Variants in RBM26 observed in about 807,000 individuals in gnomAD.
RBM26 encodes the protein RNA-binding protein 26.
A neutral mutation model predicts 123.6 loss-of-function variants in RBM26; 30 were observed. The observed-to-expected ratio is 0.24, with a 90% CI of 0.18 to 0.33. The LOEUF is 0.33. Among genes scored for constraint, RBM26 ranks in the 10% least tolerant of loss-of-function variants. The pLI is 1.00. For missense variants in RBM26, 947 were observed against 1,203.6 expected (o/e 0.79, Z 3.15); for synonymous variants, 400 against 404.4 (o/e 0.99, Z 0.13).
chr13:79,331,579 T>C (rs1594002555), intron 20 of RBM26, among the ~76,000 whole-genome samples: 2 of 150,316 alleles, frequency 1.3e-5, no homozygotes, highest in South Asian at 2.1e-4. Flanking sequence ...GAGCTTGCAG[T>C]GAGCTGAGAT....
Position 79,319,151 on chromosome 13 carries a change from G to T in RBM26, c.*1470C>A. The T allele has an allele frequency of 2.0e-6, 2 of 984,602 alleles. No homozygotes were observed. Among genetic ancestry groups the T allele is most frequent in the Non-Finnish European group, 2.4e-6 (2 of 829,390 alleles). 61.0% of individuals were successfully genotyped at this position (984,602 alleles called of 1,614,324 possible). On this transcript the variant is annotated 3_prime_UTR_variant, in exon 22 of 22. Coordinates refer to ENST00000438737, the MANE Select transcript of RBM26 (RefSeq NM_001366735.2). ...ACCCCAATTAGGGGTGTATGGGGAAGAAGAAAAAGAACAGCATCCTTAAGT... is the reference window on the plus strand; with the variant it reads ...ACCCCAATTAGGGGTGTATGGGGAATAAGAAAAAGAACAGCATCCTTAAGT...
At chr13:79,321,482 A>C (rs1208731147) in intron 21 of RBM26, among the ~76,000 whole-genome samples, 1 of 151,346 alleles carries the variant, frequency 6.6e-6, no homozygotes, top group Non-Finnish European at 1.5e-5. Context: ...ATTAACTTAA[A>C]CTTTTTCCTA....
Position 79,322,372 on chromosome 13 carries a change from C to G in RBM26, c.2911G>C (p.Glu971Gln), listed in dbSNP as rs140824394. The change falls in exon 21 of 22, where the codon GAA (glutamate) becomes CAA (glutamine). Residue 971 changes from glutamate to glutamine, a missense_variant. Physicochemically the swap from Glu to Gln is conservative, Grantham distance 29. Around this residue, in one of 5 missense-constraint regions of RBM26, gnomAD observed 164 missense variants for 215.3 expected, o/e 0.76. Transcript: ENST00000438737. ...ACTTCTTCTTCATCAGGCTCAACTT[C>G]TTCTGTTTCAACAGCTGAAATATTA... ...VTNISAVETE[E>Q]VEPDEEEFQE... is the part of the protein sequence containing the mutation. 2.0e-4 allele frequency: 308 copies of G among 1,575,142 alleles called. 1 individual carries two copies. In the African/African-American group the frequency reaches 3.9e-3, roughly 20 times the overall value.
chr13:79,370,800 G>A (rs2075804841), intron 5 of RBM26, 145 bp downstream of exon 5: 3 of 869,192 alleles, frequency 3.5e-6, no homozygotes, highest in South Asian at 1.8e-5. Context: ...ACTTTTAAAG[G>A]AATTTTTAAA....
Position 79,355,225 on chromosome 13 carries a change from G to A in RBM26, c.1849C>T (p.Pro617Ser). The A allele has an allele frequency of 6.2e-7, 1 of 1,613,486 alleles. No homozygotes were observed. Among genetic ancestry groups the A allele is most frequent in the Non-Finnish European group, 8.5e-7 (1 of 1,179,624 alleles). Reference protein sequence around the residue: ...GSTQQLQTTSPKVMQPLVQQP... With the variant: ...GSTQQLQTTSSKVMQPLVQQP... ...TACACAAATTCCTCTCTTACCTTTGGAGAAGTAGTTTGTAACTGTTGGGTG... is the reference window on the plus strand; with the variant it reads ...TACACAAATTCCTCTCTTACCTTTGAAGAAGTAGTTTGTAACTGTTGGGTG... Residue 617 changes from proline (P) to serine (S), a missense_variant, in exon 12 of 22, where the codon CCA becomes TCA. By Grantham distance (74) the Pro-to-Ser change is moderately conservative (BLOSUM62 -1). Transcript: ENST00000438737.
chr13:79,406,074 C>G lies in RBM26; in HGVS notation c.-300G>C. ...CCAGCAAATCTACCCAGACCGGAAGCGCGACACGCGCTTAGACCCGAGCCT... is the reference window on the plus strand; with the variant it reads ...CCAGCAAATCTACCCAGACCGGAAGGGCGACACGCGCTTAGACCCGAGCCT... On this transcript the variant is annotated 5_prime_UTR_variant, in exon 1 of 22. Transcript: ENST00000438737. The G allele has an allele frequency of 4.2e-6, 1 of 235,812 alleles. No homozygotes were observed. Among genetic ancestry groups the G allele is most frequent in the Non-Finnish European group, 8.2e-6 (1 of 122,246 alleles). 14.6% of individuals were successfully genotyped at this position (235,812 alleles called of 1,614,324 possible). A position where few individuals can be genotyped will look rare whatever the true frequency, so the allele number is the denominator to read the frequency against.
At chr13:79,378,975 C>A in intron 1 of RBM26, 68 bp from the exon 2 acceptor site, 1 of 955,292 alleles carries the variant, frequency 1.0e-6, no homozygotes, top group South Asian at 1.5e-5. Context: ...CAGTTACAAA[C>A]TGAATTAGTG....
chr13:79,405,252 C>A (rs569095005), intron 1 of RBM26, among the ~76,000 whole-genome samples: 1 of 152,306 alleles, frequency 6.6e-6, no homozygotes, highest in Non-Finnish European at 1.5e-5. Context: ...ATGAGCCAGA[C>A]AGCACATGGG....
intron 11 of RBM26, among the ~76,000 whole-genome samples, chr13:79,357,168 G>A (rs1239565045): frequency 6.6e-6 from 1 of 152,002 alleles, no homozygotes; most frequent in Non-Finnish European, 1.5e-5. Context: ...AGTTGAAAGG[G>A]AACCATTTCC....
At chr13:79,325,690 TAAAG>T (rs949375442) in intron 20 of RBM26, among the ~76,000 whole-genome samples, 2 of 152,132 alleles carry the variant, frequency 1.3e-5, no homozygotes, top group African/African-American at 2.4e-5. Flanking sequence ...AATTTATTAT[TAAAG>T]AAAGATAAAA....
intron 3 of RBM26, chr13:79,377,057 T>C: frequency 4.8e-6 from 1 of 206,920 alleles, no homozygotes; most frequent in South Asian, 1.1e-4. Context: ...CTAATTCCCA[T>C]GTGTTGTTAC....
chr13:79,405,734 T>C lies in RBM26; in HGVS notation c.41A>G (p.Lys14Arg), dbSNP rs1329529126. The change falls in exon 1 of 22, where the codon AAG becomes AGG. Residue 14 changes from lysine (K) to arginine (R), a missense_variant. Around this residue, in one of 5 missense-constraint regions of RBM26, gnomAD observed 275 missense variants for 361.0 expected, o/e 0.76. Coordinates refer to ENST00000438737, the MANE Select transcript of RBM26 (RefSeq NM_001366735.2). ...CTCGAGAGTCTTGCTGAGCCAGGAC[T>C]TGAGTGCCTCGAAGTTTTCAATGAT... is the stretch of plus-strand genomic sequence containing the variant. ...KMIIENFEAL[K>R]SWLSKTLEPI... 7 of 1,599,994 alleles carry C rather than the reference T, an allele frequency of 4.4e-6. No homozygotes were observed. Among genetic ancestry groups the C allele is most frequent in the South Asian group, 2.2e-5 (2 of 89,966 alleles).
rs555318521 is a variant in RBM26 at position 79,351,757 on chromosome 13, G to A, written c.2058+1396C>T. On this transcript the variant is annotated intron_variant, in intron 14 of 21. Transcript: ENST00000438737. ...ATAGAACCAGAATTATTGAGTTATC[G>A]ATGAGCTGTGAATCAAGGAAAGTAA... is the stretch of plus-strand genomic sequence containing the variant. 4.6e-5 allele frequency among the ~76,000 whole-genome samples: 7 copies of A among 152,230 alleles called. No homozygotes were observed. The East Asian group carries it at 7.7e-4, about 17-fold the overall frequency.
At chr13:79,314,030 CAG>C (rs1481177252), downstream of RBM26, 1 of 151,694 alleles carries the variant, frequency 6.6e-6, no homozygotes, top group Non-Finnish European at 1.5e-5. Context: ...AAGGAATACT[CAG>C]AAACTAAGTG....
At chr13:79,324,652 T>C (rs2068108099) in intron 20 of RBM26, among the ~76,000 whole-genome samples, 1 of 151,862 alleles carries the variant, frequency 6.6e-6, no homozygotes, top group African/African-American at 2.4e-5. Flanking sequence ...TACCAATATT[T>C]TCCTTTATGA....
In RBM26 at chr13:79,355,289, G is replaced by A. The variant is rs76409274; in HGVS notation, c.1785C>T (p.Asn595=). 42 of 1,613,930 alleles carry A rather than the reference G, an allele frequency of 2.6e-5. No homozygotes were observed. The East Asian group carries it at 8.9e-4, about 34-fold the overall frequency. ...KAISSTEAVL[N]NRFIKVYWHR... is the part of the protein sequence containing the mutation. ...GCCAATAAACCTTAATAAAGCGATT[G>A]TTTAATACTGCTTCCGTACTTGATA... is the stretch of plus-strand genomic sequence containing the variant. The change falls in exon 12 of 22, where the codon AAC becomes AAT. Residue 595 remains asparagine, a synonymous_variant. Transcript: ENST00000438737.
At chr13:79,353,596 C>A (rs1206942583) in intron 13 of RBM26, among the ~76,000 whole-genome samples, 1 of 152,036 alleles carries the variant, frequency 6.6e-6, no homozygotes. Flanking sequence ...TATTTTATAT[C>A]CAAATATACT....
chr13:79,319,949 C>CTTTTTTTTTTTTTTTTTTTTTTTTTTG lies in RBM26; in HGVS notation c.*671_*672insCAAAAAAAAAAAAAAAAAAAAAAAAAA, dbSNP rs56071300. The stretch of plus-strand genomic sequence containing the variant: ...TTTAAATCAAGGAACATTGTCTTGG[C>CTTTTTTTTTTTTTTTTTTTTTTTTTTG]TTTTTTTTTTTTTTTTTTTTTGTCA... On this transcript the variant is annotated 3_prime_UTR_variant, in exon 22 of 22. Coordinates refer to ENST00000438737, the MANE Select transcript of RBM26 (RefSeq NM_001366735.2). 1 of 104,680 alleles carries CTTTTTTTTTTTTTTTTTTTTTTTTTTG rather than the reference C, an allele frequency of 9.6e-6. No individual in the cohort carries two copies. Among genetic ancestry groups the CTTTTTTTTTTTTTTTTTTTTTTTTTTG allele is most frequent in the Non-Finnish European group, 1.1e-5 (1 of 94,060 alleles). The allele number at this position is 104,680 out of a possible 1,614,324, so 6.5% of individuals were successfully genotyped here. A position where few individuals can be genotyped will look rare whatever the true frequency, so the allele number is the denominator to read the frequency against.
At chr13:79,378,521 C>T (rs561330925) in intron 2 of RBM26, among the ~76,000 whole-genome samples, 3 of 152,282 alleles carry the variant, frequency 2.0e-5, no homozygotes, top group African/African-American at 7.2e-5. Flanking sequence ...CTCACAGCAA[C>T]CTCTGCCTCC....
Sources: allele counts gnomAD v4.1 joint callset (sites outside exome capture counted in the v4.1 genomes callset), GRCh38; gene constraint gnomAD v4.1.1; regional missense constraint gnomAD v4.1.1; transcripts MANE v1.5; gene names NCBI Gene and HGNC (gene_info 2026-07-23, HGNC 2026-07-21).